Variants in TADA2A observed in about 807,000 individuals in gnomAD.
TADA2A encodes the protein transcriptional adaptor 2A.
In TADA2A, 38 loss-of-function variants were observed where a neutral mutation model predicts 67.4. That is an observed-to-expected ratio of 0.56 (90% CI 0.44 to 0.74). The LOEUF is 0.74. Among genes scored for constraint, TADA2A ranks in the 30% least tolerant of loss-of-function variants. TADA2A has a pLI of 0.00. For synonymous variants in TADA2A, 192 were observed against 181.6 expected (o/e 1.06, Z -0.46); for missense variants, 454 against 547.0 (o/e 0.83, Z 1.70).
At chr17:37,417,463 G>A (rs979743404) in intron 2 of TADA2A, among the ~76,000 whole-genome samples, 6 of 152,138 alleles carry the variant, frequency 3.9e-5, no homozygotes, top group Non-Finnish European at 1.5e-5. Flanking sequence ...CTGAGTCTGG[G>A]AGGGAGAGTT....
intron 1 of TADA2A, among the ~76,000 whole-genome samples, chr17:37,410,203 GAAAA>G (rs1223565352): frequency 6.6e-6 from 1 of 151,656 alleles, no homozygotes; most frequent in African/African-American, 2.4e-5. Flanking sequence ...AAAAAAAAAA[GAAAA>G]AGAGACTTAG....
At chr17:37,453,759 ATTTTTTTTTT>A (rs143096066) in intron 8 of TADA2A, among the ~76,000 whole-genome samples, 17 of 69,106 alleles carry the variant, frequency 2.5e-4, no homozygotes, top group Admixed American at 1.2e-3. Flanking sequence ...GAAATAACTG[ATTTTTTTTTT>A]TTTTTTTTTT....
At chr17:37,455,401 A>C (rs2053361955) in intron 8 of TADA2A, among the ~76,000 whole-genome samples, 1 of 147,000 alleles carries the variant, frequency 6.8e-6, no homozygotes, top group African/African-American at 2.5e-5. Context: ...TGTTTTTTTG[A>C]GACGGAGTCT....
chr17:37,428,686 A>G (rs776558162), intron 4 of TADA2A, among the ~76,000 whole-genome samples: 25 of 152,174 alleles, frequency 1.6e-4, no homozygotes, highest in Admixed American at 5.2e-4. Context: ...GGCTTAAGCT[A>G]TCCTATCTCA....
chr17:37,475,663 A>C (rs1186582730), intron 15 of TADA2A, among the ~76,000 whole-genome samples: 1 of 151,970 alleles, frequency 6.6e-6, no homozygotes, highest in Non-Finnish European at 1.5e-5. Flanking sequence ...ACGGGGTTTC[A>C]CCTTGTTAGC....
chr17:37,412,447 T>C (rs1041090342), intron 2 of TADA2A, among the ~76,000 whole-genome samples: 2 of 152,046 alleles, frequency 1.3e-5, no homozygotes, highest in African/African-American at 2.4e-5. Flanking sequence ...TAGAGAATTA[T>C]GGGGTATGTA....
intron 4 of TADA2A, among the ~76,000 whole-genome samples, chr17:37,434,088 G>C (rs1174894162): frequency 6.6e-6 from 1 of 152,200 alleles, no homozygotes; most frequent in Non-Finnish European, 1.5e-5. Flanking sequence ...ATCCCACATT[G>C]CATTTAGTCA....
chr17:37,470,521 G>T lies in TADA2A; in HGVS notation c.1017G>T (p.Arg339=). ...DSSACQQWLR[R]QADIDSGLSP... ...GTGCTTGCCAGCAGTGGCTCCGCCG[G>T]CAAGCTGACATGTGAGTAATTACTC... is the stretch of plus-strand genomic sequence containing the variant. Residue 339 remains arginine (R), a synonymous_variant, in exon 13 of 16, where the codon CGG becomes CGT. Transcript: ENST00000615182. 6.4e-7 allele frequency: 1 copy of T among 1,564,980 alleles called. No homozygotes were observed. The highest frequency in any genetic ancestry group is 8.6e-7 in the Non-Finnish European group (1 of 1,158,794).
chr17:37,469,501 C>T lies in TADA2A; in HGVS notation c.896-899C>T, dbSNP rs564604291. Among the ~76,000 whole-genome samples the T allele has an allele frequency of 5.0e-4, 76 of 151,980 alleles. 1 individual carries two copies. Among genetic ancestry groups the T allele is most frequent in the African/African-American group, 1.5e-3 (64 of 41,492 alleles). ...ATACAAAATTAGCTGGGCATGGTGGCGCATGCCTGTAATCCCAGCTACTCC... is the reference window on the plus strand; with the variant it reads ...ATACAAAATTAGCTGGGCATGGTGGTGCATGCCTGTAATCCCAGCTACTCC... On this transcript the variant is annotated intron_variant, in intron 12 of 15. Transcript: ENST00000615182.
In TADA2A at chr17:37,438,393, A is replaced by G. The variant is rs560686037; in HGVS notation, c.284+564A>G. ...GTTTTTATCTTTTGGGAACACTTTC[A>G]TATGGATGCTTTTATTTTATGAACT... On this transcript the variant is annotated intron_variant, in intron 5 of 15. Transcript: ENST00000615182. Among the ~76,000 whole-genome samples the G allele has an allele frequency of 2.0e-5, 3 of 152,334 alleles. No homozygotes were observed. In the East Asian group the frequency reaches 5.8e-4, roughly 29 times the overall value.
At chr17:37,421,702 G>A (rs1442857941) in intron 2 of TADA2A, among the ~76,000 whole-genome samples, 1 of 146,580 alleles carries the variant, frequency 6.8e-6, no homozygotes, top group Non-Finnish European at 1.5e-5. Flanking sequence ...TGAGGTGGGA[G>A]GCTCATTTGA....
intron 8 of TADA2A, among the ~76,000 whole-genome samples, chr17:37,451,812 C>G (rs914279432): frequency 6.6e-6 from 1 of 151,566 alleles, no homozygotes; most frequent in Non-Finnish European, 1.5e-5. Flanking sequence ...GGTGAAACCC[C>G]GTCTCTACTA....
intron 4 of TADA2A, among the ~76,000 whole-genome samples, chr17:37,432,118 A>G (rs767638123): frequency 6.6e-6 from 1 of 151,788 alleles, no homozygotes; most frequent in Non-Finnish European, 1.5e-5. Flanking sequence ...ATCATACTGT[A>G]TGTACACTTC....
chr17:37,445,419 C>T (rs2053048671), intron 8 of TADA2A, among the ~76,000 whole-genome samples: 1 of 152,184 alleles, frequency 6.6e-6, no homozygotes, highest in Non-Finnish European at 1.5e-5. Flanking sequence ...GTGTTTGCCA[C>T]CATGCCCAGC....
intron 10 of TADA2A, among the ~76,000 whole-genome samples, chr17:37,463,244 C>T (rs2053588195): frequency 6.6e-6 from 1 of 152,016 alleles, no homozygotes; most frequent in African/African-American, 2.4e-5. Flanking sequence ...TAATAACAAT[C>T]ACAATGTTTG....
In TADA2A at chr17:37,436,139, C is replaced by T. The variant is rs186601208; in HGVS notation, c.193-1599C>T. ...ATTATTTATTTGCTTTACCTCATAA[C>T]ATATACACATACACTAATCTCAAAA... On this transcript the variant is annotated intron_variant, in intron 4 of 15. Coordinates refer to ENST00000615182, the MANE Select transcript of TADA2A (RefSeq NM_001166105.3). 1.9e-3 allele frequency among the ~76,000 whole-genome samples: 288 copies of T among 152,124 alleles called. 6 individuals are homozygous for T. The highest frequency in any genetic ancestry group is 0.017 in the Admixed American group (265 of 15,246).
At chr17:37,409,305 T>A (rs1006857632) in intron 1 of TADA2A, among the ~76,000 whole-genome samples, 1 of 151,974 alleles carries the variant, frequency 6.6e-6, no homozygotes, top group Non-Finnish European at 1.5e-5. Context: ...CCCAGGCTGG[T>A]CTGAAACTCC....
intron 2 of TADA2A, among the ~76,000 whole-genome samples, chr17:37,415,428 A>AAT (rs1568129477): frequency 2.6e-5 from 4 of 152,256 alleles, no homozygotes; most frequent in Non-Finnish European, 5.9e-5. Context: ...GTATTTTGCA[A>AAT]TTACATCTAA....
intron 14 of TADA2A, among the ~76,000 whole-genome samples, chr17:37,473,984 T>C (rs1269764682): frequency 6.6e-6 from 1 of 152,222 alleles, no homozygotes; most frequent in Non-Finnish European, 1.5e-5. Flanking sequence ...CAGTTATTAT[T>C]TCCATTCGTC....
Sources: allele counts gnomAD v4.1 joint callset (sites outside exome capture counted in the v4.1 genomes callset), GRCh38; gene constraint gnomAD v4.1.1; transcripts MANE v1.5; gene names NCBI Gene and HGNC (gene_info 2026-07-23, HGNC 2026-07-21).